ARNT: variants seen among roughly 807,000 people sequenced by gnomAD.
The protein encoded by ARNT is aryl hydrocarbon receptor nuclear translocator.
Under a neutral mutation model 105.0 loss-of-function variants are expected in ARNT, and 30 were observed. The ratio of observed to expected loss-of-function variants is 0.29; its 90% CI spans 0.21 to 0.39. ARNT has a LOEUF of 0.39. Ranked by LOEUF, ARNT falls within the 10% of genes least tolerant of loss-of-function variation. The pLI is 1.00. For missense variants in ARNT, 748 were observed against 978.7 expected (o/e 0.76, Z 3.15); for synonymous variants, 304 against 344.0 (o/e 0.88, Z 1.29).
At chr1:150,836,877 C>T (rs1157866292) in intron 6 of ARNT, among the ~76,000 whole-genome samples, 1 of 152,074 alleles carries the variant, frequency 6.6e-6, no homozygotes, top group East Asian at 1.9e-4. Context: ...TCCATCTTTA[C>T]AAACAAACAA....
In ARNT at chr1:150,839,418, TCA is replaced by T. The variant is rs587602197; in HGVS notation, c.486+21_486+22del. On this transcript the variant is annotated intron_variant, in intron 6 of 21. Coordinates refer to ENST00000358595, the MANE Select transcript of ARNT (RefSeq NM_001668.4). ...AGATTCACCCAGATTCCAGACTCTC[TCA>T]GAACTATAAGTCCCAGAGACCTGAT... 120 of 1,613,380 alleles carry T rather than the reference TCA, an allele frequency of 7.4e-5. No individual in the cohort carries two copies. The African/African-American group carries it at 1.4e-3, about 19-fold the overall frequency.
intron 1 of ARNT, among the ~76,000 whole-genome samples, chr1:150,872,568 A>T (rs967032886): frequency 1.3e-5 from 2 of 152,208 alleles, no homozygotes; most frequent in Admixed American, 1.3e-4. Flanking sequence ...AACTCATTCA[A>T]CATCTCTAGT....
At chr1:150,836,146 T>A in intron 7 of ARNT, 134 bp downstream of exon 7, 1 of 743,904 alleles carries the variant, frequency 1.3e-6, no homozygotes, top group Non-Finnish European at 2.1e-6. Flanking sequence ...GAACTGACTA[T>A]ATTCATTAAA....
At chr1:150,832,821 C>T (rs1349170269) in intron 8 of ARNT, among the ~76,000 whole-genome samples, 1 of 152,204 alleles carries the variant, frequency 6.6e-6, no homozygotes, top group East Asian at 1.9e-4. Flanking sequence ...CTTACTCCTG[C>T]TCTACATTAA....
intron 3 of ARNT, among the ~76,000 whole-genome samples, chr1:150,851,277 A>AG (rs1663451823): frequency 6.8e-6 from 1 of 146,014 alleles, no homozygotes; most frequent in South Asian, 2.2e-4. Context: ...CCCGTCCGGG[A>AG]GGTGGGGGGC....
At chr1:150,837,539 T>C (rs1358262476) in intron 6 of ARNT, among the ~76,000 whole-genome samples, 1 of 152,190 alleles carries the variant, frequency 6.6e-6, no homozygotes, top group Non-Finnish European at 1.5e-5. Context: ...TATTTTTCCC[T>C]ACCTTCTTCT....
rs587733344 is a variant in ARNT at position 150,846,415 on chromosome 1, A to G, written c.183-108T>C. On this transcript the variant is annotated intron_variant, in intron 3 of 21. Coordinates refer to ENST00000358595, the MANE Select transcript of ARNT (RefSeq NM_001668.4). ...AAAATATTCAATAGAAAAAAAGCCA[A>G]TGGAAAAGCATCACAAAGTGATAGA... The G allele has an allele frequency of 7.5e-5, 78 of 1,046,686 alleles. 1 individual carries two copies. In the African/African-American group the frequency reaches 1.1e-3, roughly 15 times the overall value. The allele number at this position is 1,046,686 out of a possible 1,614,324, so 64.8% of individuals were successfully genotyped here.
intron 1 of ARNT, among the ~76,000 whole-genome samples, chr1:150,870,618 G>A (rs773429506): frequency 2.0e-5 from 3 of 151,980 alleles, no homozygotes; most frequent in South Asian, 4.1e-4. Flanking sequence ...GGTCATCCTC[G>A]CATCTCAGTC....
chr1:150,841,855 C>A (rs1009691973), intron 5 of ARNT, among the ~76,000 whole-genome samples: 1 of 152,170 alleles, frequency 6.6e-6, no homozygotes, highest in African/African-American at 2.4e-5. Context: ...AGTACAGAAA[C>A]CTGGTCTTTT....
Position 150,813,260 on chromosome 1 carries a change from C to T in ARNT, c.2192G>A (p.Gly731Asp), listed in dbSNP as rs1655113532. 3.1e-6 allele frequency: 5 copies of T among 1,613,900 alleles called. No homozygotes were observed. The South Asian group carries it at 3.3e-5, about 11-fold the overall frequency. ...EGVGVWPQWQ[G>D]QQPHHRSSSS... ...ACTTGAACGATGATGAGGCTGCTGG[C>T]CCTGCCACTGTGGCCAGACACCCAC... Residue 731 changes from glycine (G) to aspartate (D), a missense_variant, in exon 21 of 22, where the codon GGC becomes GAC. Around this residue, in one of 4 missense-constraint regions of ARNT, gnomAD observed 360 missense variants for 411.9 expected, o/e 0.87. Coordinates refer to ENST00000358595, the MANE Select transcript of ARNT (RefSeq NM_001668.4).
At chr1:150,856,721 C>A (rs1208132775) in intron 2 of ARNT, among the ~76,000 whole-genome samples, 2 of 152,174 alleles carry the variant, frequency 1.3e-5, no homozygotes, top group Non-Finnish European at 2.9e-5. Context: ...CAAGATCACA[C>A]CACTGCACTC....
chr1:150,814,667 T>A (rs901111778), intron 19 of ARNT, among the ~76,000 whole-genome samples: 1 of 151,606 alleles, frequency 6.6e-6, no homozygotes, highest in Admixed American at 6.6e-5. Context: ...CATGGTGAAA[T>A]CCCCGTCTCT....
Position 150,817,221 on chromosome 1 carries a change from A to G in ARNT, c.1579-19T>C. The G allele has an allele frequency of 6.2e-7, 1 of 1,613,590 alleles. No homozygotes were observed. Among genetic ancestry groups the G allele is most frequent in the Non-Finnish European group, 8.5e-7 (1 of 1,179,894 alleles). ...GAACCACCTGTGGAATACAATGATA[A>G]AAATAACCATTAAAGATTTAACATG... On this transcript the variant is annotated intron_variant, in intron 16 of 21. Transcript: ENST00000358595.
intron 13 of ARNT, among the ~76,000 whole-genome samples, chr1:150,826,295 T>C (rs1230591516): frequency 1.3e-5 from 2 of 152,204 alleles, no homozygotes; most frequent in East Asian, 3.8e-4. Flanking sequence ...TTAAATACCT[T>C]AAAGACAGCT....
intron 10 of ARNT, chr1:150,831,488 T>A (rs10305706): frequency 0.038 from 8,110 of 214,414 alleles, 690 homozygotes; most frequent in African/African-American, 0.18. Context: ...ACTTTAGAAA[T>A]CTTTCTCAAA....
chr1:150,817,829 AAATT>A, intron 15 of ARNT, 87 bp downstream of exon 15: 1 of 1,130,644 alleles, frequency 8.8e-7, no homozygotes, highest in Non-Finnish European at 1.2e-6. Flanking sequence ...AAAAAAAAAA[AAATT>A]AACCAACCGA....
chr1:150,853,308 A>T, intron 2 of ARNT: 1 of 358,794 alleles, frequency 2.8e-6, no homozygotes, highest in Non-Finnish European at 5.4e-6. Flanking sequence ...AAACTGGGCA[A>T]TAGAAACAAA....
intron 2 of ARNT, among the ~76,000 whole-genome samples, chr1:150,854,427 G>A (rs1664183285): frequency 2.4e-5 from 3 of 127,076 alleles, no homozygotes; most frequent in African/African-American, 8.8e-5. Flanking sequence ...GCATGGTGGC[G>A]CATGTGTAGT....
Position 150,829,150 on chromosome 1 carries a change from C to A in ARNT, c.1110G>T (p.Glu370Asp), listed in dbSNP as rs375752258. 6.2e-7 allele frequency: 1 copy of A among 1,614,154 alleles called. No homozygotes were observed. Among genetic ancestry groups the A allele is most frequent in the Admixed American group, 1.7e-5 (1 of 60,030 alleles). ...GGTGATCCACAAAAGTGAAGATACCCTCAATGTTGTGTCGGGAGATGAACT... is the reference window on the plus strand; with the variant it reads ...GGTGATCCACAAAAGTGAAGATACCATCAATGTTGTGTCGGGAGATGAACT... ...PTEFISRHNI[E>D]GIFTFVDHRC... Residue 370 changes from glutamate to aspartate, a missense_variant, in exon 12 of 22, where the codon GAG becomes GAT. By Grantham distance (45) the Glu-to-Asp change is conservative. Coordinates refer to ENST00000358595, the MANE Select transcript of ARNT (RefSeq NM_001668.4).
Sources: allele counts gnomAD v4.1 joint callset (sites outside exome capture counted in the v4.1 genomes callset), GRCh38; gene constraint gnomAD v4.1.1; regional missense constraint gnomAD v4.1.1; transcripts MANE v1.5; gene names NCBI Gene and HGNC (gene_info 2026-07-23, HGNC 2026-07-21).